DIAPH3: variants seen among roughly 807,000 people sequenced by gnomAD.
DIAPH3 encodes the protein diaphanous related formin 3, also known as protein diaphanous homolog 3.
A neutral mutation model predicts 144.3 loss-of-function variants in DIAPH3; 117 were observed. That is an observed-to-expected ratio of 0.81 (90% CI 0.70 to 0.95). The LOEUF is 0.95. Ranked by LOEUF, DIAPH3 falls within the 40% of genes least tolerant of loss-of-function variation. The pLI, the probability that DIAPH3 is intolerant of heterozygous loss-of-function variation, is 0.00. For missense variants in DIAPH3, 1,421 were observed against 1,412.7 expected (o/e 1.01, Z -0.09); for synonymous variants, 519 against 488.9 (o/e 1.06, Z -0.81).
chr13:60,024,850 G>A (rs1176744476), intron 5 of DIAPH3, among the ~76,000 whole-genome samples: 2 of 152,154 alleles, frequency 1.3e-5, no homozygotes, highest in African/African-American at 2.4e-5. Flanking sequence ...TGACATGGAT[G>A]GGAATCTAGG....
intron 14 of DIAPH3, among the ~76,000 whole-genome samples, chr13:59,975,585 T>C (rs2140630107): frequency 6.6e-6 from 1 of 152,096 alleles, no homozygotes; most frequent in South Asian, 2.1e-4. Context: ...ATAGAGATTT[T>C]CCACATACCC....
intron 20 of DIAPH3, among the ~76,000 whole-genome samples, chr13:59,881,499 T>C (rs1402555198): frequency 6.6e-6 from 1 of 152,168 alleles, no homozygotes; most frequent in Non-Finnish European, 1.5e-5. Context: ...TATATTAATG[T>C]ACTACTACAT....
chr13:60,038,680 C>T (rs1390755190), intron 5 of DIAPH3, among the ~76,000 whole-genome samples: 1 of 151,984 alleles, frequency 6.6e-6, no homozygotes, highest in Non-Finnish European at 1.5e-5. Flanking sequence ...GAAAATTATT[C>T]TTGTTAATTT....
chr13:59,691,003 T>C (rs1566183817), intron 27 of DIAPH3, among the ~76,000 whole-genome samples: 1 of 152,088 alleles, frequency 6.6e-6, no homozygotes, highest in Non-Finnish European at 1.5e-5. Flanking sequence ...AAGTAACATT[T>C]GTGTTGGGTC....
intron 17 of DIAPH3, among the ~76,000 whole-genome samples, chr13:59,938,759 T>C (rs1312242144): frequency 1.3e-5 from 2 of 152,140 alleles, no homozygotes; most frequent in Non-Finnish European, 2.9e-5. Flanking sequence ...TCATTTTATA[T>C]TGTGATTAGA....
rs564674184 is a variant in DIAPH3 at position 59,674,645 on chromosome 13, T to A, written c.3320-7799A>T. Among the ~76,000 whole-genome samples the A allele has an allele frequency of 3.9e-5, 6 of 152,308 alleles. No homozygotes were observed. In the South Asian group the frequency reaches 1.2e-3, roughly 32 times the overall value. On this transcript the variant is annotated intron_variant, in intron 27 of 27. Transcript: ENST00000400324. ...TAGGAAGAAGACTCAAATCTGCATT[T>A]CCAGCCCTGACAACAGAGCTCCAAT...
chr13:59,883,230 T>C (rs1174528393), intron 20 of DIAPH3, among the ~76,000 whole-genome samples: 1 of 152,158 alleles, frequency 6.6e-6, no homozygotes, highest in Non-Finnish European at 1.5e-5. Context: ...CCCAGGAAGA[T>C]GTAATCTCTC....
At chr13:59,790,763 A>G (rs1280613782) in intron 25 of DIAPH3, among the ~76,000 whole-genome samples, 1 of 152,164 alleles carries the variant, frequency 6.6e-6, no homozygotes, top group East Asian at 1.9e-4. Flanking sequence ...GTATGAGAAA[A>G]ATGAAAGAGG....
intron 25 of DIAPH3, among the ~76,000 whole-genome samples, chr13:59,778,735 T>A (rs900522547): frequency 6.6e-6 from 1 of 152,218 alleles, no homozygotes. Flanking sequence ...ATTACAGAAC[T>A]GAATTATTTT....
chr13:59,811,542 T>C lies in DIAPH3; in HGVS notation c.3028-619A>G, dbSNP rs141601146. Among the ~76,000 whole-genome samples, 1,227 of 152,086 alleles carry C rather than the reference T, an allele frequency of 8.1e-3. 19 individuals are homozygous for C. Among genetic ancestry groups the C allele is most frequent in the African/African-American group, 0.026 (1,094 of 41,492 alleles). On this transcript the variant is annotated intron_variant, in intron 24 of 27. Transcript: ENST00000400324. ...TCATAAGGTCAGTAGATCGAGACCA[T>C]CCTGGCTAACGTGGTGCAACTCTGT... is the stretch of plus-strand genomic sequence containing the variant.
chr13:59,707,152 T>A (rs2034475916), intron 27 of DIAPH3, among the ~76,000 whole-genome samples: 2 of 152,328 alleles, frequency 1.3e-5, no homozygotes, highest in African/African-American at 4.8e-5. Flanking sequence ...GCCAGCTAAA[T>A]GCGTTTCTAC....
chr13:60,152,555 G>C (rs756006776), intron 1 of DIAPH3, among the ~76,000 whole-genome samples: 2 of 143,828 alleles, frequency 1.4e-5, no homozygotes, highest in Non-Finnish European at 3.1e-5. Context: ...AATCAAAATT[G>C]AATTAAAAAA....
chr13:59,707,114 A>G (rs73542600), intron 27 of DIAPH3, among the ~76,000 whole-genome samples: 261 of 152,302 alleles, frequency 1.7e-3, no homozygotes, highest in African/African-American at 6.0e-3. Context: ...TCATTACACG[A>G]AAAAAGTGAT....
At chr13:59,818,330 T>C (rs539722002) in intron 24 of DIAPH3, among the ~76,000 whole-genome samples, 167 of 152,112 alleles carry the variant, frequency 1.1e-3, no homozygotes, top group African/African-American at 3.8e-3. Flanking sequence ...CTGTGCTCTA[T>C]AAAGATCTTT....
intron 21 of DIAPH3, among the ~76,000 whole-genome samples, chr13:59,862,370 T>C (rs1348432310): frequency 6.6e-6 from 1 of 152,216 alleles, no homozygotes; most frequent in East Asian, 1.9e-4. Flanking sequence ...ATATACATTT[T>C]AGAAAGCTCC....
intron 4 of DIAPH3, among the ~76,000 whole-genome samples, chr13:60,063,145 G>C (rs1202532801): frequency 6.6e-6 from 1 of 152,170 alleles, no homozygotes; most frequent in East Asian, 1.9e-4. Context: ...GGAAGATTCT[G>C]AATCATTTAT....
chr13:59,761,950 T>C (rs1005007909), intron 27 of DIAPH3, among the ~76,000 whole-genome samples: 7 of 151,804 alleles, frequency 4.6e-5, no homozygotes, highest in African/African-American at 1.2e-4. Context: ...CTCCAGTTCC[T>C]TACAACTTGG....
chr13:59,704,691 A>T (rs1330957515), intron 27 of DIAPH3, among the ~76,000 whole-genome samples: 1 of 152,208 alleles, frequency 6.6e-6, no homozygotes, highest in East Asian at 1.9e-4. Flanking sequence ...AGTATTCAGC[A>T]TAGTAACATG....
At chr13:59,671,301 A>G (rs1008541571) in intron 27 of DIAPH3, among the ~76,000 whole-genome samples, 1 of 152,214 alleles carries the variant, frequency 6.6e-6, no homozygotes. Flanking sequence ...CAAATGCAAG[A>G]TGATACCTAG....
Sources: allele counts gnomAD v4.1 joint callset (sites outside exome capture counted in the v4.1 genomes callset), GRCh38; gene constraint gnomAD v4.1.1; transcripts MANE v1.5; gene names NCBI Gene and HGNC (gene_info 2026-07-23, HGNC 2026-07-21).